Variants in CDK14 observed in about 807,000 individuals in gnomAD.
The protein encoded by CDK14 is cyclin dependent kinase 14.
A neutral mutation model predicts 60.7 loss-of-function variants in CDK14; 34 were observed. The ratio of observed to expected loss-of-function variants is 0.56; its 90% CI spans 0.43 to 0.75. The LOEUF (loss-of-function observed/expected upper bound fraction) is 0.75. Among genes scored for constraint, CDK14 ranks in the 30% least tolerant of loss-of-function variants. CDK14 has a pLI of 0.00. For synonymous variants in CDK14, 197 were observed against 203.7 expected (o/e 0.97, Z 0.28); for missense variants, 482 against 564.1 (o/e 0.85, Z 1.47).
rs114477059 is a variant in CDK14, at chr7:90,760,705, C to A, written c.464+12930C>A. 1.0e-2 allele frequency among the ~76,000 whole-genome samples: 1,519 copies of A among 152,232 alleles called. 24 individuals are homozygous for A. The highest frequency in any genetic ancestry group is 0.034 in the African/African-American group (1,395 of 41,536). On this transcript the variant is annotated intron_variant, in intron 4 of 14. Transcript: ENST00000380050. ...ATGAAAATAACATCACAGTATAATA[C>A]AATCAGTGTTAGTTTTATAATTTAA...
chr7:90,646,780 T>C (rs894052567), intron 2 of CDK14, among the ~76,000 whole-genome samples: 2 of 152,240 alleles, frequency 1.3e-5, no homozygotes, highest in African/African-American at 4.8e-5. Flanking sequence ...ATGGATGTAC[T>C]ATAATTTATT....
intron 4 of CDK14, among the ~76,000 whole-genome samples, chr7:90,753,989 C>A (rs995392494): frequency 6.6e-6 from 1 of 152,116 alleles, no homozygotes; most frequent in Non-Finnish European, 1.5e-5. Flanking sequence ...ATGACACAAA[C>A]AAATGGAAAA....
intron 3 of CDK14, among the ~76,000 whole-genome samples, chr7:90,735,918 G>A (rs1286710935): frequency 6.6e-6 from 1 of 152,192 alleles, no homozygotes; most frequent in Non-Finnish European, 1.5e-5. Flanking sequence ...CCAAACGGCT[G>A]CCCAGTTTTG....
intron 4 of CDK14, among the ~76,000 whole-genome samples, chr7:90,776,475 C>T (rs1466800562): frequency 6.6e-6 from 1 of 152,132 alleles, no homozygotes; most frequent in Non-Finnish European, 1.5e-5. Context: ...AACATCAAAG[C>T]AGATAAGCAC....
rs139735162 is a variant in CDK14, at chr7:90,829,754, A to G, written c.545-33421A>G. Among the ~76,000 whole-genome samples, 1,295 of 152,268 alleles carry G rather than the reference A, an allele frequency of 8.5e-3. 8 individuals carry two copies. Among genetic ancestry groups the G allele is most frequent in the Non-Finnish European group, 0.013 (889 of 68,020 alleles). The stretch of plus-strand genomic sequence containing the variant: ...CACCATGTTGGTCAGGCTGGTCTCA[A>G]ACTCCTGACCTCAGATGATACACCC... On this transcript the variant is annotated intron_variant, in intron 5 of 14. Transcript: ENST00000380050.
intron 10 of CDK14, among the ~76,000 whole-genome samples, chr7:91,009,412 C>T (rs529131204): frequency 1.5e-4 from 23 of 152,232 alleles, no homozygotes; most frequent in African/African-American, 4.3e-4. Flanking sequence ...TCAATCAATA[C>T]GGTGGGTGTA....
intron 12 of CDK14, among the ~76,000 whole-genome samples, chr7:91,105,022 C>T (rs1799246946): frequency 6.6e-6 from 1 of 152,136 alleles, no homozygotes; most frequent in African/African-American, 2.4e-5. Context: ...AAAAAAATAT[C>T]TCTTCTACTA....
intron 6 of CDK14, among the ~76,000 whole-genome samples, chr7:90,872,500 T>C (rs1341806983): frequency 6.6e-6 from 1 of 152,174 alleles, no homozygotes; most frequent in African/African-American, 2.4e-5. Context: ...AGTGCTCTCT[T>C]AGGAACTTCT....
At chr7:90,640,965 A>G (rs889842631) in intron 2 of CDK14, among the ~76,000 whole-genome samples, 4 of 152,180 alleles carry the variant, frequency 2.6e-5, no homozygotes, top group African/African-American at 7.2e-5. Flanking sequence ...CAAAGAGGAT[A>G]TACACATGGC....
intron 2 of CDK14, among the ~76,000 whole-genome samples, chr7:90,642,272 C>A (rs151164303): frequency 2.6e-5 from 4 of 152,220 alleles, no homozygotes; most frequent in Non-Finnish European, 5.9e-5. Context: ...CTCAAATACA[C>A]ATGTGATGAA....
At chr7:90,651,075 C>A (rs1000831953) in intron 2 of CDK14, among the ~76,000 whole-genome samples, 2 of 152,144 alleles carry the variant, frequency 1.3e-5, no homozygotes, top group African/African-American at 4.8e-5. Flanking sequence ...AATACTGATT[C>A]TTCCTATCCA....
intron 3 of CDK14, among the ~76,000 whole-genome samples, chr7:90,730,245 C>T (rs758473665): frequency 1.3e-5 from 2 of 152,108 alleles, no homozygotes; most frequent in African/African-American, 2.4e-5. Flanking sequence ...TTTCTTAATT[C>T]AGTCTATCTT....
chr7:91,074,507 A>G (rs965919074), intron 11 of CDK14, among the ~76,000 whole-genome samples: 8 of 152,146 alleles, frequency 5.3e-5, no homozygotes, highest in African/African-American at 1.9e-4. Flanking sequence ...AAGAAGTGTT[A>G]AGAGGGAAAC....
intron 8 of CDK14, among the ~76,000 whole-genome samples, chr7:90,920,497 TGA>T (rs111922210): frequency 2.0e-5 from 3 of 152,308 alleles, no homozygotes; most frequent in African/African-American, 7.2e-5. Context: ...CCTGTATTTT[TGA>T]GAGAGATGAG....
chr7:90,959,987 A>G (rs977879522), intron 9 of CDK14, among the ~76,000 whole-genome samples: 3 of 152,160 alleles, frequency 2.0e-5, no homozygotes, highest in Non-Finnish European at 4.4e-5. Flanking sequence ...AGGCATAGGA[A>G]ATCATTGCTA....
At position 91,103,825 on chromosome 7, in the gene CDK14, C is replaced by T. The variant is rs1008753633; in HGVS notation, c.1155-8717C>T. 7.3e-5 allele frequency among the ~76,000 whole-genome samples: 9 copies of T among 123,818 alleles called. No individual in the cohort carries two copies. The South Asian group carries it at 8.2e-4, about 11-fold the overall frequency. 81.2% of individuals were successfully genotyped at this position (123,818 alleles called of 152,430 possible). ...TTTTTTTAAAAAACTGCAAGGAGAC[C>T]GAGAGAGAGAGAGAGAGAAAGAGAG... On this transcript the variant is annotated intron_variant, in intron 12 of 14. Coordinates refer to ENST00000380050, the MANE Select transcript of CDK14 (RefSeq NM_001287135.2).
At chr7:90,739,694 GT>G (rs1167567594) in intron 3 of CDK14, among the ~76,000 whole-genome samples, 2 of 152,078 alleles carry the variant, frequency 1.3e-5, no homozygotes, top group Non-Finnish European at 2.9e-5. Flanking sequence ...CCGCTGCTGT[GT>G]TTTTCTTTAA....
chr7:90,596,804 C>A, intron 1 of CDK14, 86 bp downstream of exon 1: 2 of 1,151,766 alleles, frequency 1.7e-6, no homozygotes, highest in Non-Finnish European at 2.6e-6. Context: ...AGCCATGCAG[C>A]TGCCAGCGGG....
intron 5 of CDK14, among the ~76,000 whole-genome samples, chr7:90,796,721 G>A (rs1788449707): frequency 6.6e-6 from 1 of 150,376 alleles, no homozygotes; most frequent in African/African-American, 2.5e-5. Flanking sequence ...CTGACATTTT[G>A]GAGTAATCAA....
Sources: gnomAD v4.1 joint callset for allele counts (sites outside exome capture counted in the v4.1 genomes callset) on GRCh38, gnomAD v4.1.1 for gene constraint, MANE v1.5 for transcripts, NCBI Gene and HGNC (gene_info 2026-07-23, HGNC 2026-07-21) for gene names.